BCAS3: variants seen among roughly 807,000 people sequenced by gnomAD.
The protein encoded by BCAS3 is BCAS3 microtubule associated cell migration factor, also known as BCAS4/BCAS3 fusion.
In BCAS3, 53 loss-of-function variants were observed where a neutral mutation model predicts 116.1. The observed-to-expected ratio is 0.46, with a 90% CI of 0.37 to 0.57. The LOEUF is 0.57. Ranked by LOEUF, BCAS3 falls within the 20% of genes least tolerant of loss-of-function variation. The pLI, the probability that BCAS3 is intolerant of heterozygous loss-of-function variation, is 0.00. For missense variants in BCAS3, 917 were observed against 1,165.4 expected (o/e 0.79, Z 3.10); for synonymous variants, 391 against 408.2 (o/e 0.96, Z 0.51).
rs2071025463 is a variant in BCAS3 at position 61,068,995 on chromosome 17, G to A, written c.2030-5925G>A. Among the ~76,000 whole-genome samples the A allele has an allele frequency of 6.6e-6, 1 of 152,092 alleles. No individual in the cohort carries two copies. The highest frequency in any genetic ancestry group is 6.6e-5 in the Admixed American group (1 of 15,258). On this transcript the variant is annotated intron_variant, in intron 19 of 23. Coordinates refer to ENST00000407086, the MANE Select transcript of BCAS3 (RefSeq NM_017679.5). The surrounding 1 kb of genome is among the most constrained non-coding windows in gnomAD (Gnocchi z 4.3). ...TGCAAGTGGTGAAATAAAATGGATA[G>A]ACTTTGTCAGAGGAGCAAAAGAGAG...
chr17:61,326,283 G>A lies in BCAS3; in HGVS notation c.2426-42044G>A, dbSNP rs1191547986. ...TGGGTGAGATAAATCAGCAAAGGGA[G>A]TAAGAGGGGAAGAGGAAAAAGAAAT... On this transcript the variant is annotated intron_variant, in intron 22 of 23. Coordinates refer to ENST00000407086, the MANE Select transcript of BCAS3 (RefSeq NM_017679.5). The surrounding 1 kb of genome is among the most constrained non-coding windows in gnomAD (Gnocchi z 5.3). Among the ~76,000 whole-genome samples, 1 of 152,196 alleles carries A rather than the reference G, an allele frequency of 6.6e-6. No individual in the cohort carries two copies. Among genetic ancestry groups the A allele is most frequent in the Non-Finnish European group, 1.5e-5 (1 of 68,032 alleles).
intron 6 of BCAS3, among the ~76,000 whole-genome samples, chr17:60,783,977 A>G (rs1457192431): frequency 6.6e-6 from 1 of 152,222 alleles, no homozygotes; most frequent in Non-Finnish European, 1.5e-5. Flanking sequence ...AAGGTAAATG[A>G]GATGTGGCTG....
intron 6 of BCAS3, among the ~76,000 whole-genome samples, chr17:60,783,402 G>A (rs935011156): frequency 1.3e-5 from 2 of 151,990 alleles, no homozygotes; most frequent in African/African-American, 2.4e-5. Flanking sequence ...ATGGGGTTTC[G>A]TCATGTTGCC....
intron 22 of BCAS3, among the ~76,000 whole-genome samples, chr17:61,212,581 A>G (rs2081529081): frequency 6.6e-6 from 1 of 151,414 alleles, no homozygotes; most frequent in South Asian, 2.1e-4. Context: ...TATATTTGCA[A>G]TATAGTAAAA....
Position 61,179,963 on chromosome 17 carries a change from A to G in BCAS3, c.2425+95399A>G, listed in dbSNP as rs190720880. ...TCACTTGAGACACTTTCAGCAGGAT[A>G]TTCAGTCGTTTATAATGGAGAGTCC... On this transcript the variant is annotated intron_variant, in intron 22 of 23. Transcript: ENST00000407086. Among the ~76,000 whole-genome samples, 263 of 148,270 alleles carry G rather than the reference A, an allele frequency of 1.8e-3. 2 individuals carry two copies. Among genetic ancestry groups the G allele is most frequent in the South Asian group, 4.2e-4 (2 of 4,736 alleles).
At chr17:61,092,649 G>A (rs1274266228) in intron 22 of BCAS3, among the ~76,000 whole-genome samples, 2 of 152,032 alleles carry the variant, frequency 1.3e-5, no homozygotes, top group Non-Finnish European at 2.9e-5. Context: ...TTGGCCATTT[G>A]GATATCATCT....
intron 9 of BCAS3, among the ~76,000 whole-genome samples, chr17:60,881,613 C>T (rs1214148790): frequency 1.5e-5 from 2 of 135,650 alleles, no homozygotes; most frequent in Non-Finnish European, 3.1e-5. Flanking sequence ...ACCACAGTCC[C>T]CAGAGTGTGA....
intron 22 of BCAS3, among the ~76,000 whole-genome samples, chr17:61,242,909 C>CTT (rs763046007): frequency 2.1e-5 from 3 of 145,382 alleles, no homozygotes; most frequent in Non-Finnish European, 3.0e-5. Flanking sequence ...AAGCTATACA[C>CTT]TTTTTTTTTT....
chr17:60,817,705 C>T (rs1598919777), intron 7 of BCAS3, among the ~76,000 whole-genome samples: 1 of 152,074 alleles, frequency 6.6e-6, no homozygotes, highest in South Asian at 2.1e-4. Flanking sequence ...AATCCCTTAT[C>T]GCTCGTTATA....
chr17:61,201,569 G>A (rs749117385), intron 22 of BCAS3, among the ~76,000 whole-genome samples: 2 of 152,106 alleles, frequency 1.3e-5, no homozygotes, highest in Non-Finnish European at 2.9e-5. Flanking sequence ...TATAACAAAT[G>A]TGGTGCTGGA....
intron 14 of BCAS3, among the ~76,000 whole-genome samples, chr17:60,963,505 C>G (rs1234896440): frequency 6.8e-6 from 1 of 148,058 alleles, no homozygotes; most frequent in African/African-American, 2.5e-5. Flanking sequence ...GGATTGCTTT[C>G]TTGATTTCTT....
In BCAS3 at chr17:61,355,299, G is replaced by T. The variant is rs985326625; in HGVS notation, c.2426-13028G>T. 7.2e-5 allele frequency: 11 copies of T among 152,182 alleles called. No homozygotes were observed. Among genetic ancestry groups the T allele is most frequent in the African/African-American group, 2.7e-4 (11 of 41,434 alleles). 9.4% of individuals were successfully genotyped at this position (152,182 alleles called of 1,614,324 possible). A position where few individuals can be genotyped will look rare whatever the true frequency, so the allele number is the denominator to read the frequency against. On this transcript the variant is annotated intron_variant, in intron 22 of 23. Coordinates refer to ENST00000407086, the MANE Select transcript of BCAS3 (RefSeq NM_017679.5). The surrounding 1 kb of genome is among the most constrained non-coding windows in gnomAD (Gnocchi z 4.2). ...GAAGACTTCTTGGCCCCAGGTTTCA[G>T]ACTTCAAAGTTCTCAGTTGAGAGCC...
intron 7 of BCAS3, chr17:60,810,445 T>C: frequency 1.6e-6 from 1 of 615,744 alleles, no homozygotes; most frequent in Non-Finnish European, 3.1e-6. Flanking sequence ...CCTGGCCTCC[T>C]GCCTGGACAG....
chr17:60,709,361 TTCCC>T, intron 5 of BCAS3, 36 bp downstream of exon 5: 3 of 1,216,312 alleles, frequency 2.5e-6, no homozygotes, highest in Non-Finnish European at 3.6e-6. Flanking sequence ...TAAAACATAC[TTCCC>T]AGCATGTTAG....
intron 13 of BCAS3, among the ~76,000 whole-genome samples, chr17:60,933,172 GA>G (rs919323141): frequency 4.6e-5 from 6 of 131,032 alleles, no homozygotes; most frequent in African/African-American, 8.5e-5. Context: ...GTCTCAAAAA[GA>G]AAAAAAAAAG....
chr17:61,310,120 T>C (rs1397695674), intron 22 of BCAS3, among the ~76,000 whole-genome samples: 1 of 152,302 alleles, frequency 6.6e-6, no homozygotes, highest in South Asian at 2.1e-4. Flanking sequence ...GCTGGGTGAA[T>C]GAATCAAAGG....
chr17:60,695,482 G>T (rs60452995), intron 4 of BCAS3, among the ~76,000 whole-genome samples: 20,347 of 152,086 alleles, frequency 0.13, 4,219 homozygotes, highest in African/African-American at 0.44. Flanking sequence ...TTTGGCTTTG[G>T]GAACAATGCT....
intron 4 of BCAS3, among the ~76,000 whole-genome samples, chr17:60,695,904 G>C (rs1224021013): frequency 1.3e-5 from 2 of 152,104 alleles, no homozygotes; most frequent in African/African-American, 4.8e-5. Context: ...GGGCTCATAG[G>C]GGATTTAAAA....
At position 61,161,684 on chromosome 17, in the gene BCAS3, G is replaced by A. The variant is rs75938740; in HGVS notation, c.2425+77120G>A. On this transcript the variant is annotated intron_variant, in intron 22 of 23. Transcript: ENST00000407086. The surrounding 1 kb of genome is among the most constrained non-coding windows in gnomAD (Gnocchi z 4.8). ...GGTGATGTCAACGGAGGGTAGGGTG[G>A]TTGCTGGTGGAGGGGAGTAGCCAGC... Among the ~76,000 whole-genome samples the A allele has an allele frequency of 0.03, 4,630 of 152,212 alleles. 91 individuals are homozygous for A. The highest frequency in any genetic ancestry group is 0.047 in the Non-Finnish European group (3,178 of 68,016).
Sources: gnomAD v4.1 joint callset for allele counts (sites outside exome capture counted in the v4.1 genomes callset) on GRCh38, gnomAD v4.1.1 for gene constraint, Gnocchi (gnomAD v3.1) non-coding constraint, MANE v1.5 for transcripts, NCBI Gene and HGNC (gene_info 2026-07-23, HGNC 2026-07-21) for gene names.